AASS: variants seen among roughly 807,000 people sequenced by gnomAD.
AASS encodes the protein aminoadipate-semialdehyde synthase, also known as alpha-aminoadipic semialdehyde synthase, mitochondrial.
In AASS, 86 loss-of-function variants were observed where a neutral mutation model predicts 105.4. That is an observed-to-expected ratio of 0.82 (90% CI 0.69 to 0.98). The LOEUF (loss-of-function observed/expected upper bound fraction) is 0.98, where lower values mean the gene tolerates loss of function less well. Ranked by LOEUF, AASS falls within the 50% of genes least tolerant of loss-of-function variation. AASS has a pLI of 0.00. For missense variants in AASS, 1,048 were observed against 1,143.2 expected (o/e 0.92, Z 1.20); for synonymous variants, 381 against 394.8 (o/e 0.96, Z 0.41).
intron 1 of AASS, among the ~76,000 whole-genome samples, chr7:122,134,030 C>A (rs753575209): frequency 4.0e-4 from 61 of 152,314 alleles, no homozygotes; most frequent in Admixed American, 1.8e-3. Flanking sequence ...TATCAAACAT[C>A]TATTCGGCAC....
At chr7:122,113,302 C>T in intron 10 of AASS, 73 bp from the exon 11 acceptor site, 1 of 1,298,468 alleles carries the variant, frequency 7.7e-7, no homozygotes, top group Admixed American at 1.8e-5. Context: ...CAGATGTCTA[C>T]TCCACTATAT....
Position 122,116,975 on chromosome 7 carries a change from G to A in AASS, c.688-18C>T. 6.2e-7 allele frequency: 1 copy of A among 1,606,256 alleles called. No homozygotes were observed. Among genetic ancestry groups the A allele is most frequent in the Non-Finnish European group, 8.5e-7 (1 of 1,173,636 alleles). On this transcript the variant is annotated intron_variant, in intron 6 of 23. Transcript: ENST00000417368. ...TGGGCTCCCTACAAATAACACATGA[G>A]TAAAAATCCAAAAATCAATAGAAAA... is the stretch of plus-strand genomic sequence containing the variant.
chr7:122,079,531 TC>T, intron 21 of AASS, 65 bp downstream of exon 21: 1 of 1,361,354 alleles, frequency 7.3e-7, no homozygotes, highest in Non-Finnish European at 1.1e-6. Flanking sequence ...TTTAACTTTT[TC>T]TGAGTAGAAA....
chr7:122,093,845 A>G (rs993591037), intron 15 of AASS, among the ~76,000 whole-genome samples: 3 of 152,084 alleles, frequency 2.0e-5, no homozygotes, highest in Non-Finnish European at 4.4e-5. Flanking sequence ...AAATAAAAAA[A>G]CAAAAACCGT....
Position 122,126,425 on chromosome 7 carries a change from TCCA to T in AASS, c.419_421del (p.Val140del). The stretch of plus-strand genomic sequence containing the variant: ...TGCCACTACCCGTACTCCTCTATGA[TCCA>T]CCATTTTCTCATAATCAATAAGGCG... On this transcript the variant is annotated inframe_deletion, in exon 4 of 24. Coordinates refer to ENST00000417368, the MANE Select transcript of AASS (RefSeq NM_005763.4). 6.2e-7 allele frequency: 1 copy of T among 1,613,956 alleles called. No individual in the cohort carries two copies.
Position 122,116,870 on chromosome 7 carries a change from G to T in AASS, c.766+9C>A, listed in dbSNP as rs769468296. 6.2e-7 allele frequency: 1 copy of T among 1,613,372 alleles called. No homozygotes were observed. The highest frequency in any genetic ancestry group is 8.5e-7 in the Non-Finnish European group (1 of 1,179,404). ...AAACATTAAAAGTTAGTCATCTCCT[G>T]TCCCTTACCTCCAGTTTGGGAAACT... On this transcript the variant is annotated intron_variant, in intron 7 of 23. Coordinates refer to ENST00000417368, the MANE Select transcript of AASS (RefSeq NM_005763.4).
At chr7:122,079,879 C>T (rs1793228135) in intron 20 of AASS, among the ~76,000 whole-genome samples, 167 bp from the exon 21 acceptor site, 1 of 152,078 alleles carries the variant, frequency 6.6e-6, no homozygotes, top group African/African-American at 2.4e-5. Context: ...ATACACACAT[C>T]TGCATACCTA....
rs10429059 is a variant in AASS at position 122,091,589 on chromosome 7, T to A, written c.2016+114A>T. On this transcript the variant is annotated intron_variant, in intron 18 of 23. Coordinates refer to ENST00000417368, the MANE Select transcript of AASS (RefSeq NM_005763.4). ...CACTGGGAAACAACACAGGAGGAGATAATGGAGACAGGCAGCATCACCATT... is the reference window on the plus strand; with the variant it reads ...CACTGGGAAACAACACAGGAGGAGAAAATGGAGACAGGCAGCATCACCATT... 1.0e-3 allele frequency: 1,529 copies of A among 1,486,138 alleles called. 17 individuals carry two copies. The African/African-American group carries it at 0.016, about 16-fold the overall frequency. The allele number at this position is 1,486,138 out of a possible 1,614,324, so 92.1% of individuals were successfully genotyped here.
At chr7:122,124,349 C>T (rs547335201) in intron 4 of AASS, among the ~76,000 whole-genome samples, 1 of 152,282 alleles carries the variant, frequency 6.6e-6, no homozygotes, top group South Asian at 2.1e-4. Flanking sequence ...ATGGCATGAT[C>T]TCGGCTTCCT....
intron 4 of AASS, 37 bp from the exon 5 acceptor site, chr7:122,118,667 T>G (rs757241156): frequency 1.3e-6 from 2 of 1,598,754 alleles, no homozygotes; most frequent in Non-Finnish European, 1.7e-6. Flanking sequence ...GACTATTAGT[T>G]GGGAAGAATT....
In AASS at chr7:122,092,769, A is replaced by T. The variant is rs567957088; in HGVS notation, c.1875+74T>A. ...CTTTGATTAAAGGTGTTGCTATATT[A>T]TAACTCATACTTTGATTCTGTACAC... On this transcript the variant is annotated intron_variant, in intron 17 of 23. Transcript: ENST00000417368. The T allele has an allele frequency of 4.0e-6, 5 of 1,243,890 alleles. No individual in the cohort carries two copies. In the African/African-American group the frequency reaches 7.4e-5, roughly 18 times the overall value. 77.1% of individuals were successfully genotyped at this position (1,243,890 alleles called of 1,614,324 possible). A position where few individuals can be genotyped will look rare whatever the true frequency, so the allele number is the denominator to read the frequency against.
intron 15 of AASS, 108 bp downstream of exon 15, chr7:122,098,342 A>C (rs1027443304): frequency 3.1e-6 from 4 of 1,309,606 alleles, no homozygotes; most frequent in Non-Finnish European, 4.3e-6. Context: ...ACTTCAATTA[A>C]AAACTTTACT....
chr7:122,099,736 T>C (rs1310214686), intron 13 of AASS, among the ~76,000 whole-genome samples: 1 of 151,860 alleles, frequency 6.6e-6, no homozygotes, highest in Non-Finnish European at 1.5e-5. Flanking sequence ...ATAATGTCTC[T>C]TGAACATTAA....
rs754567408 is a variant in AASS at position 122,133,755 on chromosome 7, G to A, written c.-15-14C>T. ...GACACCTGGTGACTGTAAAGACAATGTAAAGAGCAGAGCAACAAAAGGCAG... is the reference window on the plus strand; with the variant it reads ...GACACCTGGTGACTGTAAAGACAATATAAAGAGCAGAGCAACAAAAGGCAG... On this transcript the variant is annotated splice_polypyrimidine_tract_variant and intron_variant, in intron 1 of 23. Transcript: ENST00000417368. 1 of 1,609,192 alleles carries A rather than the reference G, an allele frequency of 6.2e-7. No homozygotes were observed. Among genetic ancestry groups the A allele is most frequent in the Non-Finnish European group, 8.5e-7 (1 of 1,176,204 alleles).
At chr7:122,080,119 G>T (rs1793239207) in intron 20 of AASS, among the ~76,000 whole-genome samples, 1 of 152,150 alleles carries the variant, frequency 6.6e-6, no homozygotes, top group Non-Finnish European at 1.5e-5. Context: ...AGCAACCCAG[G>T]TTCTTTTGTA....
chr7:122,074,084 G>A lies in AASS; in HGVS notation c.*2405C>T, dbSNP rs2150504079. Among the ~76,000 whole-genome samples, 1 of 152,110 alleles carries A rather than the reference G, an allele frequency of 6.6e-6. No individual in the cohort carries two copies. Among genetic ancestry groups the A allele is most frequent in the African/African-American group, 2.4e-5 (1 of 41,432 alleles). On this transcript the variant is annotated 3_prime_UTR_variant, in exon 24 of 24. Coordinates refer to ENST00000417368, the MANE Select transcript of AASS (RefSeq NM_005763.4). ...GTAGACATTTGTTTTTATATCACGT[G>A]GGTATCCACCAACAGTGCATGAGGG...
At chr7:122,083,148 G>A (rs932882848) in intron 19 of AASS, among the ~76,000 whole-genome samples, 1 of 152,094 alleles carries the variant, frequency 6.6e-6, no homozygotes, top group East Asian at 1.9e-4. Flanking sequence ...ACTACTGAAT[G>A]TCTGGCCAAC....
intron 3 of AASS, among the ~76,000 whole-genome samples, chr7:122,127,728 C>A (rs1395827180): frequency 6.6e-6 from 1 of 152,048 alleles, no homozygotes; most frequent in African/African-American, 2.4e-5. Flanking sequence ...AATCCTCTGC[C>A]CTAATCTCGG....
At chr7:122,137,524 A>G (rs1350467669) in intron 1 of AASS, among the ~76,000 whole-genome samples, 1 of 152,158 alleles carries the variant, frequency 6.6e-6, no homozygotes, top group Non-Finnish European at 1.5e-5. Flanking sequence ...ATCATTCCTG[A>G]GTACCTGCCA....
Sources: allele counts gnomAD v4.1 joint callset (sites outside exome capture counted in the v4.1 genomes callset), GRCh38; gene constraint gnomAD v4.1.1; transcripts MANE v1.5; gene names NCBI Gene and HGNC (gene_info 2026-07-23, HGNC 2026-07-21).